The following PCDHA11 variants were observed in gnomAD, a reference collection of about 807,000 sequenced individuals.
PCDHA11 encodes the protein protocadherin alpha-11.
In PCDHA11, 61 loss-of-function variants were observed where a neutral mutation model predicts 70.3. The ratio of observed to expected loss-of-function variants is 0.87; its 90% CI spans 0.71 to 1.07. The LOEUF is 1.07. Ranked by LOEUF, PCDHA11 falls within the 50% of genes least tolerant of loss-of-function variation. The pLI is 0.00. For missense variants in PCDHA11, 1,324 were observed against 1,237.5 expected (o/e 1.07, Z -1.05); for synonymous variants, 633 against 555.1 (o/e 1.14, Z -1.97).
At chr5:140,981,665 CCTTT>C (rs1170982670) in intron 2 of PCDHA11, among the ~76,000 whole-genome samples, 2 of 152,092 alleles carry the variant, frequency 1.3e-5, no homozygotes, top group Non-Finnish European at 2.9e-5. Flanking sequence ...TTTCTTCCTT[CCTTT>C]CTTCCTTCCT....
intron 3 of PCDHA11, among the ~76,000 whole-genome samples, chr5:140,984,059 C>G (rs1269975627): frequency 6.6e-6 from 1 of 152,108 alleles, no homozygotes; most frequent in East Asian, 1.9e-4. Context: ...CAAATCTGTA[C>G]CCTCAGTGCC....
chr5:140,924,714 G>C (rs2081964744), intron 1 of PCDHA11, among the ~76,000 whole-genome samples: 1 of 151,860 alleles, frequency 6.6e-6, no homozygotes, highest in African/African-American at 2.4e-5. Context: ...GTGCAACATG[G>C]CGAAACCTCA....
intron 1 of PCDHA11, among the ~76,000 whole-genome samples, chr5:140,925,561 G>A (rs972926230): frequency 6.6e-6 from 1 of 151,674 alleles, no homozygotes; most frequent in African/African-American, 2.4e-5. Flanking sequence ...ACAAGTTAAT[G>A]GGTGCAGCAC....
intron 1 of PCDHA11, among the ~76,000 whole-genome samples, chr5:140,899,542 G>A (rs2067394532): frequency 6.6e-6 from 1 of 152,156 alleles, no homozygotes; most frequent in Non-Finnish European, 1.5e-5. Flanking sequence ...ACTTGATCAT[G>A]GTGGATAAGC....
intron 1 of PCDHA11, chr5:140,928,746 C>G (rs782813323): frequency 1.2e-6 from 2 of 1,614,012 alleles, no homozygotes; most frequent in Non-Finnish European, 1.7e-6. Flanking sequence ...TAGGTGAGCT[C>G]CGTACTGCTC....
At chr5:140,993,883 A>G (rs1256857317) in intron 3 of PCDHA11, among the ~76,000 whole-genome samples, 1 of 152,228 alleles carries the variant, frequency 6.6e-6, no homozygotes, top group East Asian at 1.9e-4. Flanking sequence ...AGTACGCTCT[A>G]TGATGTCCAT....
At chr5:140,925,176 A>G (rs187925786) in intron 1 of PCDHA11, among the ~76,000 whole-genome samples, 2 of 152,236 alleles carry the variant, frequency 1.3e-5, no homozygotes, top group African/African-American at 2.4e-5. Context: ...ATTGACCCCA[A>G]TGTACCATCA....
rs2051507983 is a variant in PCDHA11, at chr5:140,869,931, G to C, written c.828G>C (p.Glu276Asp). ...ATDRDEGVNG[E>D]VTYSLMSIKP... ...ACCGAGACGAAGGAGTCAATGGAGA[G>C]GTAACATACTCCTTAATGTCAATTA... The change falls in exon 1 of 4, where the codon GAG (glutamate) becomes GAC (aspartate). Residue 276 changes from glutamate to aspartate, a missense_variant. Transcript: ENST00000398640. 1 of 1,611,492 alleles carries C rather than the reference G, an allele frequency of 6.2e-7. No homozygotes were observed. Among genetic ancestry groups the C allele is most frequent in the Admixed American group, 1.7e-5 (1 of 59,648 alleles).
At chr5:140,906,942 A>G (rs2073059599) in intron 1 of PCDHA11, among the ~76,000 whole-genome samples, 1 of 152,146 alleles carries the variant, frequency 6.6e-6, no homozygotes, top group Admixed American at 6.5e-5. Context: ...TGTCAATCTT[A>G]ATTTCCAGTT....
chr5:140,966,539 T>TCGGAGGCGAG (rs2096018089), intron 1 of PCDHA11: 1 of 462,064 alleles, frequency 2.2e-6, no homozygotes, highest in Non-Finnish European at 3.7e-6. Flanking sequence ...GTTGAGCGAC[T>TCGGAGGCGAG]CGGAGGCGAG....
intron 1 of PCDHA11, 52 bp from the exon 2 acceptor site, chr5:140,978,897 G>T: frequency 6.2e-7 from 1 of 1,612,776 alleles, no homozygotes; most frequent in Non-Finnish European, 8.5e-7. Context: ...AGCATTCCTG[G>T]GAGAACATTG....
chr5:140,897,415 A>G (rs2066090522), intron 1 of PCDHA11, among the ~76,000 whole-genome samples: 1 of 138,406 alleles, frequency 7.2e-6, no homozygotes, highest in South Asian at 2.3e-4. Context: ...TTCAATTCCC[A>G]TCTATGAGTG....
intron 3 of PCDHA11, among the ~76,000 whole-genome samples, chr5:140,994,339 A>T (rs1279466681): frequency 6.6e-6 from 1 of 152,146 alleles, no homozygotes; most frequent in Non-Finnish European, 1.5e-5. Context: ...TGAACAGTGG[A>T]TGTTGTGGGA....
chr5:141,000,782 C>T (rs149032263), intron 3 of PCDHA11, among the ~76,000 whole-genome samples: 174 of 152,002 alleles, frequency 1.1e-3, no homozygotes, highest in African/African-American at 3.9e-3. Flanking sequence ...TGGCGCACAC[C>T]TGTATTCCTA....
At chr5:140,911,968 T>A (rs1554195054) in intron 1 of PCDHA11, among the ~76,000 whole-genome samples, 2 of 152,138 alleles carry the variant, frequency 1.3e-5, no homozygotes, top group East Asian at 3.9e-4. Flanking sequence ...TAAGGAGTAT[T>A]AACTCACATG....
intron 1 of PCDHA11, among the ~76,000 whole-genome samples, chr5:140,878,400 A>G (rs1190004888): frequency 6.6e-6 from 1 of 152,218 alleles, no homozygotes; most frequent in Non-Finnish European, 1.5e-5. Flanking sequence ...TGCTCACAAA[A>G]TATCTTCTTT....
intron 1 of PCDHA11, among the ~76,000 whole-genome samples, chr5:140,879,977 C>T (rs1285167233): frequency 6.6e-6 from 1 of 152,174 alleles, no homozygotes; most frequent in African/African-American, 2.4e-5. Flanking sequence ...AAACTCCTTT[C>T]AAGATCCTTA....
intron 1 of PCDHA11, among the ~76,000 whole-genome samples, chr5:140,965,185 C>T (rs1348990210): frequency 6.6e-6 from 1 of 152,138 alleles, no homozygotes; most frequent in Non-Finnish European, 1.5e-5. Flanking sequence ...TTTTTTTGCA[C>T]ATGAGGCAAT....
chr5:141,001,403 G>C (rs2098015477), intron 3 of PCDHA11, among the ~76,000 whole-genome samples: 1 of 152,232 alleles, frequency 6.6e-6, no homozygotes, highest in Non-Finnish European at 1.5e-5. Flanking sequence ...AGAACAGGGA[G>C]TATATTTTTA....
Sources: allele counts gnomAD v4.1 joint callset (sites outside exome capture counted in the v4.1 genomes callset), GRCh38; gene constraint gnomAD v4.1.1; transcripts MANE v1.5; gene names NCBI Gene and HGNC (gene_info 2026-07-23, HGNC 2026-07-21).